Variants in RAPGEF5 observed in about 807,000 individuals in gnomAD.
The protein encoded by RAPGEF5 is Rap guanine nucleotide exchange factor 5.
RAPGEF5 carries 65 observed loss-of-function variants against 125.2 expected under a neutral mutation model. The observed-to-expected ratio is 0.52, with a 90% CI of 0.43 to 0.64. The LOEUF (loss-of-function observed/expected upper bound fraction) is 0.64. Among genes scored for constraint, RAPGEF5 ranks in the 30% least tolerant of loss-of-function variants. The pLI is 0.00. For missense variants in RAPGEF5, 958 were observed against 1,048.1 expected (o/e 0.91, Z 1.19); for synonymous variants, 391 against 385.9 (o/e 1.01, Z -0.16).
chr7:22,278,681 T>C (rs900110327), intron 6 of RAPGEF5, among the ~76,000 whole-genome samples: 11 of 150,878 alleles, frequency 7.3e-5, no homozygotes, highest in African/African-American at 2.4e-4. Flanking sequence ...GGAAAAGTAT[T>C]GGTATCACAG....
chr7:22,350,987 G>A (rs948835178), intron 1 of RAPGEF5, among the ~76,000 whole-genome samples: 15 of 152,198 alleles, frequency 9.9e-5, no homozygotes, highest in Admixed American at 7.9e-4. Flanking sequence ...GCAGATGCAT[G>A]CCTCTCTTAA....
At chr7:22,292,387 T>G (rs1349697502) in intron 5 of RAPGEF5, among the ~76,000 whole-genome samples, 1 of 152,200 alleles carries the variant, frequency 6.6e-6, no homozygotes, top group Non-Finnish European at 1.5e-5. Flanking sequence ...CCACTGCCTT[T>G]ACAAAAATTG....
intron 10 of RAPGEF5, 88 bp from the exon 11 acceptor site, chr7:22,193,543 A>C: frequency 6.4e-7 from 1 of 1,552,010 alleles, no homozygotes; most frequent in Non-Finnish European, 8.7e-7. Context: ...CTCCTCGTCG[A>C]TGTATTTGAA....
Position 22,150,412 on chromosome 7 carries a change from T to A in RAPGEF5, c.1879A>T (p.Thr627Ser). The change falls in exon 18 of 26, where the codon ACT becomes TCT. Residue 627 changes from threonine to serine, a missense_variant. Physicochemically the swap from Thr to Ser is moderately conservative, Grantham distance 58. Coordinates refer to ENST00000665637, the MANE Select transcript of RAPGEF5 (RefSeq NM_012294.5). Reference sequence around the variant, plus strand: ...ACAAGGCTGAAGGTCCTTACCAAAGTGTCCGCCAGGTCTTTCCGGTAGACA... The same window carrying A: ...ACAAGGCTGAAGGTCCTTACCAAAGAGTCCGCCAGGTCTTTCCGGTAGACA... Reference protein sequence around the residue: ...IYVYRKDLADTLNPFAENEES... With the variant: ...IYVYRKDLADSLNPFAENEES... 1.2e-6 allele frequency: 2 copies of A among 1,606,588 alleles called. No homozygotes were observed. The highest frequency in any genetic ancestry group is 1.7e-6 in the Non-Finnish European group (2 of 1,176,952).
chr7:22,223,529 A>G (rs1402909970), intron 8 of RAPGEF5, among the ~76,000 whole-genome samples: 1 of 152,180 alleles, frequency 6.6e-6, no homozygotes, highest in Non-Finnish European at 1.5e-5. Context: ...CTTTAACATG[A>G]CGGCTATTCC....
chr7:22,145,258 T>C lies in RAPGEF5; in HGVS notation c.2008-36A>G. 6 of 1,564,868 alleles carry C rather than the reference T, an allele frequency of 3.8e-6. 1 individual carries two copies. Among genetic ancestry groups the C allele is most frequent in the Non-Finnish European group, 5.2e-6 (6 of 1,151,684 alleles). ...ATGTATTCATGCCAGGGTTTATTTA[T>C]AGCAAAGTATGGTTGATACAAAACT... On this transcript the variant is annotated intron_variant, in intron 19 of 25. Transcript: ENST00000665637.
chr7:22,208,219 G>C (rs1436766080), intron 9 of RAPGEF5, among the ~76,000 whole-genome samples: 1 of 152,176 alleles, frequency 6.6e-6, no homozygotes, highest in Non-Finnish European at 1.5e-5. Flanking sequence ...CTCAGTGAAT[G>C]AAGGTAAGAA....
intron 7 of RAPGEF5, among the ~76,000 whole-genome samples, chr7:22,239,050 G>C (rs567265181): frequency 3.3e-5 from 5 of 152,324 alleles, no homozygotes; most frequent in African/African-American, 1.2e-4. Flanking sequence ...TAAGAACTAA[G>C]GAATCTGATG....
intron 14 of RAPGEF5, among the ~76,000 whole-genome samples, chr7:22,159,889 A>G (rs1783928825): frequency 6.6e-6 from 1 of 152,138 alleles, no homozygotes; most frequent in Admixed American, 6.5e-5. Flanking sequence ...TGGGCGAATC[A>G]CCTGAGGTTG....
intron 5 of RAPGEF5, among the ~76,000 whole-genome samples, chr7:22,294,442 G>A (rs1036013305): frequency 2.0e-5 from 3 of 152,284 alleles, no homozygotes; most frequent in African/African-American, 7.2e-5. Context: ...AGTTCAAGAG[G>A]TCTGCAATAT....
At chr7:22,150,077 T>C (rs1325094269) in intron 18 of RAPGEF5, among the ~76,000 whole-genome samples, 7 of 81,782 alleles carry the variant, frequency 8.6e-5, no homozygotes, top group Admixed American at 4.5e-4. Context: ...TGTGTTCCTT[T>C]TTTTTTTTTT....
At chr7:22,176,702 T>C (rs1382816697) in intron 11 of RAPGEF5, among the ~76,000 whole-genome samples, 1 of 152,114 alleles carries the variant, frequency 6.6e-6, no homozygotes, top group African/African-American at 2.4e-5. Flanking sequence ...GTAATTTTTT[T>C]CTATTTTTAG....
rs775644910 is a variant in RAPGEF5, at chr7:22,136,022, G to T, written c.2416+16C>A. The T allele has an allele frequency of 2.6e-6, 4 of 1,560,002 alleles. No homozygotes were observed. Among genetic ancestry groups the T allele is most frequent in the African/African-American group, 2.7e-5 (2 of 73,080 alleles). ...AAATATGAAATTACATGGCATAAAA[G>T]ATAGAAAATCATTACCTTTAAGCAA... is the stretch of plus-strand genomic sequence containing the variant. On this transcript the variant is annotated intron_variant, in intron 23 of 25. Transcript: ENST00000665637.
chr7:22,220,023 T>G, intron 8 of RAPGEF5, 32 bp from the exon 9 acceptor site: 1 of 1,611,640 alleles, frequency 6.2e-7, no homozygotes, highest in Non-Finnish European at 8.5e-7. Flanking sequence ...GAAGATATAC[T>G]TAAAACCACA....
intron 9 of RAPGEF5, 21 bp from the exon 10 acceptor site, chr7:22,194,054 G>C: frequency 6.3e-7 from 1 of 1,580,730 alleles, no homozygotes. Context: ...GGACAGGGAT[G>C]ATGGATGAGA....
intron 11 of RAPGEF5, among the ~76,000 whole-genome samples, chr7:22,176,651 C>T (rs1562741189): frequency 1.3e-5 from 2 of 152,164 alleles, no homozygotes; most frequent in Non-Finnish European, 2.9e-5. Context: ...GTCTCAGCCT[C>T]CTGAATAGCT....
chr7:22,248,881 G>T (rs1014360882), intron 7 of RAPGEF5, among the ~76,000 whole-genome samples: 1 of 152,164 alleles, frequency 6.6e-6, no homozygotes, highest in Non-Finnish European at 1.5e-5. Context: ...CCCTATTGTA[G>T]CCAGGGTGGA....
chr7:22,210,278 T>C (rs368063301), intron 9 of RAPGEF5, among the ~76,000 whole-genome samples: 1 of 152,238 alleles, frequency 6.6e-6, no homozygotes, highest in African/African-American at 2.4e-5. Flanking sequence ...TTTGGGATTT[T>C]ATTATGCATT....
chr7:22,221,940 T>C (rs1785800700), intron 8 of RAPGEF5, among the ~76,000 whole-genome samples: 1 of 151,982 alleles, frequency 6.6e-6, no homozygotes, highest in African/African-American at 2.4e-5. Context: ...AATATGGTAG[T>C]GAACATAAAA....
Sources: gnomAD v4.1 joint callset for allele counts (sites outside exome capture counted in the v4.1 genomes callset) on GRCh38, gnomAD v4.1.1 for gene constraint, MANE v1.5 for transcripts, NCBI Gene and HGNC (gene_info 2026-07-23, HGNC 2026-07-21) for gene names.